The following PYROXD1 variants were observed in gnomAD, a reference collection of about 807,000 sequenced individuals.
PYROXD1 encodes the protein pyridine nucleotide-disulphide oxidoreductase domain 1.
In PYROXD1, 42 loss-of-function variants were observed where a neutral mutation model predicts 62.0. That is an observed-to-expected ratio of 0.68 (90% CI 0.53 to 0.88). PYROXD1 has a LOEUF of 0.88. PYROXD1 is among the 40% of genes least tolerant of loss of function. The probability of loss-of-function intolerance (pLI) is 0.00; values close to 1 mark genes in which losing one functional copy is unlikely to be tolerated. For synonymous variants in PYROXD1, 170 were observed against 206.4 expected, an observed-to-expected ratio of 0.82 and a Z score of 1.51; for missense variants, 493 against 604.8, an observed-to-expected ratio of 0.82 and a Z score of 1.94.
At chr12:21,452,016 C>G (rs1942508177) in intron 4 of PYROXD1, 65 bp from the exon 5 acceptor site, 5 of 911,350 alleles carry the variant, frequency 5.5e-6, no homozygotes, top group East Asian at 5.2e-5. Flanking sequence ...ATTATCGAAG[C>G]CTCATATTTC....
intron 10 of PYROXD1, among the ~76,000 whole-genome samples, chr12:21,463,289 G>A (rs12424924): frequency 0.2 from 29,756 of 152,058 alleles, 3,139 homozygotes; most frequent in South Asian, 0.24. Context: ...ATGTGGCTAC[G>A]ATGTTGGACA....
intron 10 of PYROXD1, among the ~76,000 whole-genome samples, chr12:21,464,915 T>C (rs1249625318): frequency 1.3e-5 from 2 of 151,732 alleles, no homozygotes; most frequent in African/African-American, 4.8e-5. Flanking sequence ...TGAGAACATG[T>C]GGTGTTTGGT....
Position 21,468,499 on chromosome 12 carries a change from A to C in PYROXD1, c.1255-7A>C. 1 of 1,608,308 alleles carries C rather than the reference A, an allele frequency of 6.2e-7. No individual in the cohort carries two copies. The highest frequency in any genetic ancestry group is 8.5e-7 in the Non-Finnish European group (1 of 1,175,782). ...CATGACAATAACCTTTTTATCTCTA[A>C]ATATAGGTTGTACTGCTGGGAAAAT... On this transcript the variant is annotated splice_region_variant and splice_polypyrimidine_tract_variant and intron_variant, in intron 11 of 11. Coordinates refer to ENST00000240651, the MANE Select transcript of PYROXD1 (RefSeq NM_024854.5).
chr12:21,467,544 A>C lies in PYROXD1; in HGVS notation c.1180A>C (p.Ser394Arg), dbSNP rs774520117. 3 of 1,612,224 alleles carry C rather than the reference A, an allele frequency of 1.9e-6. No individual in the cohort carries two copies. In the South Asian group the frequency reaches 3.3e-5, roughly 18 times the overall value. ...WYAAKCMAAA[S>R]SGDSIDMDFS... Reference sequence around the variant, plus strand: ...TGCAGCAAAGTGCATGGCTGCAGCGAGTTCAGGAGACTCTATTGACATGGA... The same window carrying C: ...TGCAGCAAAGTGCATGGCTGCAGCGCGTTCAGGAGACTCTATTGACATGGA... The change falls in exon 11 of 12, where the codon AGT becomes CGT. Residue 394 changes from serine to arginine, a missense_variant. Ser to Arg is a moderately radical substitution (Grantham distance 110, BLOSUM62 -1). Around this residue, in one of 2 missense-constraint regions of PYROXD1, gnomAD observed 329 missense variants for 446.6 expected, o/e 0.74. Coordinates refer to ENST00000240651, the MANE Select transcript of PYROXD1 (RefSeq NM_024854.5).
chr12:21,467,398 C>A, intron 10 of PYROXD1, 83 bp from the exon 11 acceptor site: 1 of 1,340,438 alleles, frequency 7.5e-7, no homozygotes. Context: ...CATTGAACTC[C>A]TTTAAGTGAA....
intron 8 of PYROXD1, 89 bp downstream of exon 8, chr12:21,461,243 C>A: frequency 7.6e-6 from 6 of 793,182 alleles, no homozygotes; most frequent in South Asian, 3.6e-5. Flanking sequence ...AAAATAACTT[C>A]GTATTTCCAT....
At position 21,468,669 on chromosome 12, in the gene PYROXD1, A is replaced by G. The variant is rs199852910; in HGVS notation, c.1418A>G (p.Asn473Ser). The part of the protein sequence containing the change: ...GETDLEETFE[N>S]LILNQMNLSS... ...ACCGATTTAGAAGAAACATTTGAAA[A>G]CCTAATCTTAAACCAAATGAATCTT... Residue 473 changes from asparagine (N) to serine (S), a missense_variant, in exon 12 of 12, where the codon AAC becomes AGC. Physicochemically the swap from Asn to Ser is conservative, Grantham distance 46. This residue lies in a region of PYROXD1 where 329 missense variants were observed against 446.6 expected (regional missense o/e 0.74). Transcript: ENST00000240651. 8.2e-5 allele frequency: 132 copies of G among 1,612,348 alleles called. 1 individual carries two copies. In the East Asian group the frequency reaches 1.7e-3, roughly 21 times the overall value.
intron 7 of PYROXD1, among the ~76,000 whole-genome samples, chr12:21,458,901 CAG>C (rs530689738): frequency 8.2e-4 from 125 of 152,254 alleles, no homozygotes; most frequent in African/African-American, 2.9e-3. Flanking sequence ...CAAAATGTGA[CAG>C]AGACACAAAG....
intron 2 of PYROXD1, among the ~76,000 whole-genome samples, chr12:21,442,700 A>T (rs1942318231): frequency 6.6e-6 from 1 of 152,212 alleles, no homozygotes; most frequent in South Asian, 2.1e-4. Flanking sequence ...GAGACAAGAT[A>T]TGCCGCCATG....
rs1400570118 is a variant in PYROXD1, at chr12:21,469,505, T to TA, written c.*754dup. 1 of 149,188 alleles carries TA rather than the reference T, an allele frequency of 6.7e-6. No homozygotes were observed. Among genetic ancestry groups the TA allele is most frequent in the Admixed American group, 6.7e-5 (1 of 14,856 alleles). 9.2% of individuals were successfully genotyped at this position (149,188 alleles called of 1,614,324 possible). ...ACATCCCTGATCTACATATTTAACT[T>TA]AAAGTATCACTCAGTGAACCTCTGT... On this transcript the variant is annotated 3_prime_UTR_variant, in exon 12 of 12. Transcript: ENST00000240651.
At chr12:21,449,829 G>T in intron 4 of PYROXD1, 138 bp downstream of exon 4, 2 of 610,170 alleles carry the variant, frequency 3.3e-6, no homozygotes, top group Non-Finnish European at 5.5e-6. Context: ...CCACAGAGTG[G>T]TTATGTTTTA....
intron 7 of PYROXD1, among the ~76,000 whole-genome samples, chr12:21,460,527 G>A (rs970067517): frequency 2.0e-5 from 3 of 151,542 alleles, no homozygotes; most frequent in Non-Finnish European, 4.4e-5. Flanking sequence ...GGGTTCAAGC[G>A]AGTCTCCTGC....
chr12:21,468,173 T>C (rs1942838353), intron 11 of PYROXD1, among the ~76,000 whole-genome samples: 1 of 152,134 alleles, frequency 6.6e-6, no homozygotes, highest in African/African-American at 2.4e-5. Context: ...TACATATTTA[T>C]ATATTTACTG....
chr12:21,464,582 G>C (rs998503705), intron 10 of PYROXD1, among the ~76,000 whole-genome samples: 1 of 152,174 alleles, frequency 6.6e-6, no homozygotes, highest in African/African-American at 2.4e-5. Context: ...CTTATTATAC[G>C]CTAACCTGTT....
At chr12:21,465,355 T>C (rs1942772825) in intron 10 of PYROXD1, among the ~76,000 whole-genome samples, 1 of 152,162 alleles carries the variant, frequency 6.6e-6, no homozygotes, top group Non-Finnish European at 1.5e-5. Context: ...TTTTAATGAT[T>C]GCCATTCTAA....
rs1294135723 is a variant in PYROXD1, at chr12:21,468,718, A to G, written c.1467A>G (p.Leu489=). ...TTTCATCATATGGAGAAGATCTGCT[A>G]GATCCAAATATTGATATAGAAGATT... ...MNLSSYGEDL[L]DPNIDIEDYF... Residue 489 remains leucine (L), a synonymous_variant, in exon 12 of 12, where the codon CTA becomes CTG. Transcript: ENST00000240651. 1.9e-6 allele frequency: 3 copies of G among 1,609,440 alleles called. No homozygotes were observed. Among genetic ancestry groups the G allele is most frequent in the Non-Finnish European group, 2.5e-6 (3 of 1,177,012 alleles).
At chr12:21,448,186 C>T in intron 3 of PYROXD1, 1 of 641,546 alleles carries the variant, frequency 1.6e-6, no homozygotes, top group East Asian at 2.8e-5. Context: ...GCATCAGGGC[C>T]TTCACAGCCA....
chr12:21,463,055 C>T (rs577315181), intron 10 of PYROXD1, among the ~76,000 whole-genome samples, 193 bp downstream of exon 10: 44 of 152,192 alleles, frequency 2.9e-4, no homozygotes, highest in Admixed American at 1.0e-3. Flanking sequence ...TAATGGTAGA[C>T]TGAGACATCT....
intron 5 of PYROXD1, chr12:21,454,915 G>T (rs1565549677): frequency 6.1e-6 from 2 of 328,118 alleles, no homozygotes; most frequent in Non-Finnish European, 1.1e-5. Context: ...TCACTTAAAG[G>T]TTCTTTCTGT....
Sources: gnomAD v4.1 joint callset for allele counts (sites outside exome capture counted in the v4.1 genomes callset) on GRCh38, gnomAD v4.1.1 for gene constraint, gnomAD v4.1.1 regional missense constraint, MANE v1.5 for transcripts, NCBI Gene and HGNC (gene_info 2026-07-23, HGNC 2026-07-21) for gene names.